The following ANKRD30A variants were observed in gnomAD, a reference collection of about 807,000 sequenced individuals.
ANKRD30A encodes the protein ankyrin repeat domain-containing protein 30A.
ANKRD30A carries 170 observed loss-of-function variants against 166.3 expected under a neutral mutation model. The observed-to-expected ratio is 1.02, with a 90% CI of 0.90 to 1.16. ANKRD30A has a LOEUF of 1.16. Among genes scored for constraint, ANKRD30A ranks in the 50% most tolerant of loss-of-function variants. The pLI is 0.00. For synonymous variants in ANKRD30A, 564 were observed against 508.9 expected (o/e 1.11, Z -1.46); for missense variants, 1,630 against 1,518.0 (o/e 1.07, Z -1.23).
chr10:37,156,159 A>G lies in ANKRD30A; in HGVS notation c.1799-2233A>G, dbSNP rs865956482. Among the ~76,000 whole-genome samples the G allele has an allele frequency of 2.0e-5, 3 of 152,258 alleles. 1 individual carries two copies. In the South Asian group the frequency reaches 6.2e-4, roughly 32 times the overall value. ...CGCTATTCATGGTGACTAAAGAGCA[A>G]CATAAATATAATTACGGATGTCAAC... On this transcript the variant is annotated intron_variant, in intron 13 of 35. Coordinates refer to ENST00000361713, the MANE Select transcript of ANKRD30A (RefSeq NM_052997.3).
intron 15 of ANKRD30A, 146 bp from the exon 16 acceptor site, chr10:37,162,503 A>G: frequency 9.4e-7 from 1 of 1,066,998 alleles, no homozygotes; most frequent in Non-Finnish European, 1.4e-6. Context: ...TGTGTCCTAA[A>G]CAAACCAAAA....
chr10:37,199,638 T>C, intron 29 of ANKRD30A, 89 bp from the exon 30 acceptor site: 2 of 804,902 alleles, frequency 2.5e-6, no homozygotes, highest in Non-Finnish European at 4.0e-6. Context: ...GAACCACAGA[T>C]TCGTGAATGA....
At chr10:37,218,872 TA>T in intron 33 of ANKRD30A, 107 bp from the exon 34 acceptor site, 2 of 759,998 alleles carry the variant, frequency 2.6e-6, no homozygotes, top group African/African-American at 1.8e-5. Context: ...TACCTACTTA[TA>T]AAAACCCTTT....
chr10:37,135,978 G>A (rs1382618592), intron 5 of ANKRD30A, among the ~76,000 whole-genome samples: 1 of 152,058 alleles, frequency 6.6e-6, no homozygotes, highest in Non-Finnish European at 1.5e-5. Flanking sequence ...TTTTTGTAGA[G>A]ACAGGGTCTC....
chr10:37,179,350 T>C (rs1840020069), intron 24 of ANKRD30A, among the ~76,000 whole-genome samples: 4 of 151,054 alleles, frequency 2.6e-5, no homozygotes, highest in African/African-American at 9.7e-5. Context: ...TAACTAAATT[T>C]AAATGAAATA....
In ANKRD30A at chr10:37,197,227, G is replaced by A. The variant is rs1315024501; in HGVS notation, c.2615-54G>A. 4.4e-6 allele frequency: 7 copies of A among 1,600,306 alleles called. No individual in the cohort carries two copies. The East Asian group carries it at 1.6e-4, about 36-fold the overall frequency. ...AGATACTATCACGGCATTCATTTGTGGCTGGCTTGTCATATTTACTTATGA... is the reference window on the plus strand; with the variant it reads ...AGATACTATCACGGCATTCATTTGTAGCTGGCTTGTCATATTTACTTATGA... On this transcript the variant is annotated intron_variant, in intron 27 of 35. Coordinates refer to ENST00000361713, the MANE Select transcript of ANKRD30A (RefSeq NM_052997.3).
intron 34 of ANKRD30A, among the ~76,000 whole-genome samples, chr10:37,224,675 A>G (rs1057399229): frequency 6.6e-6 from 1 of 151,448 alleles, no homozygotes; most frequent in Non-Finnish European, 1.5e-5. Context: ...ATTCCAATTA[A>G]TATTTTTCTC....
At chr10:37,167,280 G>A (rs1839427373) in intron 19 of ANKRD30A, among the ~76,000 whole-genome samples, 2 of 106,960 alleles carry the variant, frequency 1.9e-5, no homozygotes, top group Non-Finnish European at 3.9e-5. Flanking sequence ...ATTACTATGA[G>A]GCGTCAAATA....
chr10:37,221,817 G>T (rs906727250), intron 34 of ANKRD30A, among the ~76,000 whole-genome samples: 2 of 151,310 alleles, frequency 1.3e-5, no homozygotes, highest in Non-Finnish European at 3.0e-5. Flanking sequence ...AATCAGAGAA[G>T]AATGTATAAT....
chr10:37,167,830 C>A (rs530643173), intron 19 of ANKRD30A, among the ~76,000 whole-genome samples: 1 of 146,136 alleles, frequency 6.8e-6, no homozygotes, highest in African/African-American at 2.6e-5. Flanking sequence ...GATGTCAATT[C>A]TACATTCAGC....
At chr10:37,183,499 CTTTT>C in intron 24 of ANKRD30A, among the ~76,000 whole-genome samples, 1 of 146,890 alleles carries the variant, frequency 6.8e-6, no homozygotes, top group African/African-American at 2.5e-5. Context: ...TCTTTTCTCT[CTTTT>C]TCTTTTTTAA....
At chr10:37,262,098 T>C in the ANKRD30A span, among the ~76,000 whole-genome samples, 1 of 152,208 alleles carries the variant, frequency 6.6e-6, no homozygotes, top group Non-Finnish European at 1.5e-5. Flanking sequence ...TACATTATTG[T>C]TTTTGAAGGT....
chr10:37,171,912 C>T (rs1258220797), intron 21 of ANKRD30A, among the ~76,000 whole-genome samples: 1 of 144,058 alleles, frequency 6.9e-6, no homozygotes, highest in African/African-American at 2.6e-5. Flanking sequence ...GCTTCACATG[C>T]TAGTTCAGAA....
chr10:37,257,100 A>G, the ANKRD30A span, among the ~76,000 whole-genome samples: 1 of 152,058 alleles, frequency 6.6e-6, no homozygotes, highest in African/African-American at 2.4e-5. Context: ...CAGGGATTCA[A>G]CTTCTTCCTG....
At chr10:37,128,115 G>C (rs891002718) in intron 1 of ANKRD30A, among the ~76,000 whole-genome samples, 18 of 152,090 alleles carry the variant, frequency 1.2e-4, no homozygotes, top group Non-Finnish European at 2.1e-4. Flanking sequence ...TACCAACTGA[G>C]GGTAAAGTTC....
At chr10:37,204,500 A>T (rs1049052755) in intron 31 of ANKRD30A, among the ~76,000 whole-genome samples, 2 of 152,204 alleles carry the variant, frequency 1.3e-5, no homozygotes, top group African/African-American at 4.8e-5. Context: ...TGTTAGACCT[A>T]AAACCATAAA....
intron 25 of ANKRD30A, among the ~76,000 whole-genome samples, chr10:37,192,199 G>C (rs992929126): frequency 5.9e-5 from 9 of 151,864 alleles, no homozygotes; most frequent in African/African-American, 2.2e-4. Context: ...ACCATACCTG[G>C]CTGATTTTTG....
chr10:37,264,152 G>A, the ANKRD30A span, among the ~76,000 whole-genome samples: 1 of 152,082 alleles, frequency 6.6e-6, no homozygotes, highest in Non-Finnish European at 1.5e-5. Flanking sequence ...ACATATTATT[G>A]ATTTTGTCCA....
At chr10:37,202,610 T>C (rs1387012750) in intron 31 of ANKRD30A, among the ~76,000 whole-genome samples, 1 of 152,068 alleles carries the variant, frequency 6.6e-6, no homozygotes, top group Non-Finnish European at 1.5e-5. Flanking sequence ...ATTCAAAAGC[T>C]AGCAGAAGGC....
Sources: gnomAD v4.1 joint callset for allele counts (sites outside exome capture counted in the v4.1 genomes callset) on GRCh38, gnomAD v4.1.1 for gene constraint, MANE v1.5 for transcripts, NCBI Gene and HGNC (gene_info 2026-07-23, HGNC 2026-07-21) for gene names.